The following NXPH1 variants were observed in gnomAD, a reference collection of about 807,000 sequenced individuals.
NXPH1 encodes the protein neurexophilin 1.
A neutral mutation model predicts 23.7 loss-of-function variants in NXPH1; 5 were observed. That is an observed-to-expected ratio of 0.21 (90% CI 0.11 to 0.44). NXPH1 has a LOEUF of 0.44. Ranked by LOEUF, NXPH1 falls within the 20% of genes least tolerant of loss-of-function variation. The pLI is 0.99. For synonymous variants in NXPH1, 144 were observed against 122.2 expected (o/e 1.18, Z -1.18); for missense variants, 324 against 321.6 (o/e 1.01, Z -0.06).
chr7:8,569,093 C>A (rs1344277500), intron 2 of NXPH1, among the ~76,000 whole-genome samples: 1 of 151,880 alleles, frequency 6.6e-6, no homozygotes, highest in Non-Finnish European at 1.5e-5. Flanking sequence ...AATTCTGATG[C>A]ATCACATCAA....
chr7:8,533,464 A>G (rs1048983792), intron 2 of NXPH1, among the ~76,000 whole-genome samples: 1 of 152,140 alleles, frequency 6.6e-6, no homozygotes, highest in African/African-American at 2.4e-5. Flanking sequence ...ACATTAGGTG[A>G]CATATAGGAA....
At chr7:8,500,850 A>G (rs1817419418) in intron 2 of NXPH1, among the ~76,000 whole-genome samples, 1 of 152,030 alleles carries the variant, frequency 6.6e-6, no homozygotes, top group African/African-American at 2.4e-5. Flanking sequence ...CCCATTTTTC[A>G]GACATGTGAT....
In NXPH1 at chr7:8,435,864, G is replaced by C. The variant is rs990552333; in HGVS notation, c.54+97G>C. The C allele has an allele frequency of 2.7e-6, 3 of 1,128,262 alleles. No individual in the cohort carries two copies. The highest frequency in any genetic ancestry group is 1.7e-5 in the Admixed American group (1 of 59,376). The allele number at this position is 1,128,262 out of a possible 1,614,324, so 69.9% of individuals were successfully genotyped here. A position where few individuals can be genotyped will look rare whatever the true frequency, so the allele number is the denominator to read the frequency against. On this transcript the variant is annotated intron_variant, in intron 2 of 2. Transcript: ENST00000405863. This position sits in a 1 kb window ranked among gnomAD's most constrained non-coding sequence, Gnocchi z 5.9. ...GGAGAAGGGTTACGCCGCCAGTTCAGTGAGAGCAGCTTCCTAGCAGCTGTG... is the reference window on the plus strand; with the variant it reads ...GGAGAAGGGTTACGCCGCCAGTTCACTGAGAGCAGCTTCCTAGCAGCTGTG...
At chr7:8,590,928 G>A (rs1421624975) in intron 2 of NXPH1, among the ~76,000 whole-genome samples, 1 of 151,920 alleles carries the variant, frequency 6.6e-6, no homozygotes, top group South Asian at 2.1e-4. Flanking sequence ...AAATTACATC[G>A]GCTTTCTGAG....
chr7:8,635,429 T>C (rs956790122), intron 2 of NXPH1, among the ~76,000 whole-genome samples: 1 of 152,308 alleles, frequency 6.6e-6, no homozygotes, highest in East Asian at 1.9e-4. Flanking sequence ...ATGCATTCAA[T>C]CTCTTGGGCA....
chr7:8,643,111 C>T (rs1480284973), intron 2 of NXPH1, among the ~76,000 whole-genome samples: 1 of 152,092 alleles, frequency 6.6e-6, no homozygotes, highest in Non-Finnish European at 1.5e-5. Flanking sequence ...GATCCACCTG[C>T]CTCAGTCTCC....
At chr7:8,473,791 A>G (rs530697407) in intron 2 of NXPH1, among the ~76,000 whole-genome samples, 8 of 151,934 alleles carry the variant, frequency 5.3e-5, no homozygotes, top group Non-Finnish European at 7.4e-5. Flanking sequence ...CAGCAATGAT[A>G]GACCTTCCAT....
chr7:8,631,404 A>G (rs193051430), intron 2 of NXPH1, among the ~76,000 whole-genome samples: 1 of 152,350 alleles, frequency 6.6e-6, no homozygotes, highest in East Asian at 1.9e-4. Context: ...AGCAATGGCA[A>G]CAAAATCAAA....
intron 2 of NXPH1, among the ~76,000 whole-genome samples, chr7:8,449,958 T>A (rs1202818132): frequency 1.3e-5 from 2 of 152,222 alleles, no homozygotes; most frequent in African/African-American, 4.8e-5. Flanking sequence ...CTTCTGCTCG[T>A]GGCATGTGGG....
chr7:8,706,111 T>C (rs1465238461), intron 2 of NXPH1, among the ~76,000 whole-genome samples: 3 of 152,140 alleles, frequency 2.0e-5, no homozygotes, highest in African/African-American at 7.2e-5. Flanking sequence ...GGTTATAGTC[T>C]CTATGGTTTG....
intron 2 of NXPH1, among the ~76,000 whole-genome samples, chr7:8,641,019 T>A (rs1820299570): frequency 6.6e-6 from 1 of 152,160 alleles, no homozygotes; most frequent in South Asian, 2.1e-4. Context: ...AAGTTTCAAT[T>A]AACTAAAAGT....
intron 2 of NXPH1, among the ~76,000 whole-genome samples, chr7:8,494,999 AG>A (rs1320391327): frequency 6.6e-6 from 1 of 152,032 alleles, no homozygotes; most frequent in Non-Finnish European, 1.5e-5. Context: ...GATTTTTGTG[AG>A]GTTTAAAAAG....
chr7:8,458,586 C>T (rs1280076612), intron 2 of NXPH1, among the ~76,000 whole-genome samples: 3 of 152,158 alleles, frequency 2.0e-5, no homozygotes, highest in South Asian at 2.1e-4. Context: ...AGAAGAGAAT[C>T]CCAGACTTCG....
At chr7:8,587,294 CT>C (rs3084542) in intron 2 of NXPH1, among the ~76,000 whole-genome samples, 14,672 of 147,128 alleles carry the variant, frequency 0.1, 1,584 homozygotes, top group African/African-American at 0.25. Flanking sequence ...GATTTTTAAA[CT>C]TTTTTTTTTT....
At chr7:8,540,671 A>G (rs1818101579) in intron 2 of NXPH1, among the ~76,000 whole-genome samples, 2 of 151,808 alleles carry the variant, frequency 1.3e-5, no homozygotes. Flanking sequence ...CTTTCAATTC[A>G]GTGGAATAAT....
chr7:8,616,047 C>T (rs1819728740), intron 2 of NXPH1, among the ~76,000 whole-genome samples: 1 of 152,040 alleles, frequency 6.6e-6, no homozygotes, highest in South Asian at 2.1e-4. Flanking sequence ...TAGATCTCTG[C>T]TCAAATCCCT....
intron 2 of NXPH1, among the ~76,000 whole-genome samples, chr7:8,620,804 A>G (rs1214231048): frequency 6.6e-6 from 1 of 152,208 alleles, no homozygotes; most frequent in Non-Finnish European, 1.5e-5. Context: ...TAAAAATTCT[A>G]ATTTGTCACT....
At chr7:8,614,175 T>C (rs573605838) in intron 2 of NXPH1, among the ~76,000 whole-genome samples, 1 of 152,060 alleles carries the variant, frequency 6.6e-6, no homozygotes, top group African/African-American at 2.4e-5. Flanking sequence ...CTCGTCTCCC[T>C]TTGTTAGATA....
chr7:8,636,151 T>C (rs575723425), intron 2 of NXPH1, among the ~76,000 whole-genome samples: 1 of 152,308 alleles, frequency 6.6e-6, no homozygotes, highest in East Asian at 1.9e-4. Flanking sequence ...AAAAGGATTG[T>C]GTTTGTGCTT....
Sources: allele counts gnomAD v4.1 joint callset (sites outside exome capture counted in the v4.1 genomes callset), GRCh38; gene constraint gnomAD v4.1.1; non-coding constraint Gnocchi (gnomAD v3.1); transcripts MANE v1.5; gene names NCBI Gene and HGNC (gene_info 2026-07-23, HGNC 2026-07-21).